The following GPR158 variants were observed in gnomAD, a reference collection of about 807,000 sequenced individuals.
GPR158 encodes the protein G protein-coupled receptor 158.
GPR158 carries 30 observed loss-of-function variants against 78.2 expected under a neutral mutation model. That is an observed-to-expected ratio of 0.38 (90% CI 0.29 to 0.52). The LOEUF (loss-of-function observed/expected upper bound fraction) is 0.52, where lower values mean the gene tolerates loss of function less well. Among genes scored for constraint, GPR158 ranks in the 20% least tolerant of loss-of-function variants. The probability of loss-of-function intolerance (pLI) is 0.83; values close to 1 mark genes in which losing one functional copy is unlikely to be tolerated. For missense variants in GPR158, 1,463 were observed against 1,523.5 expected, an observed-to-expected ratio of 0.96 and a Z score of 0.66; for synonymous variants, 581 against 591.1, an observed-to-expected ratio of 0.98 and a Z score of 0.25.
chr10:25,450,277 G>A (rs893478415), intron 4 of GPR158, among the ~76,000 whole-genome samples: 1 of 151,874 alleles, frequency 6.6e-6, no homozygotes, highest in Non-Finnish European at 1.5e-5. Context: ...AGTGAGCCAT[G>A]GGGGACCCAA....
At chr10:25,534,693 G>A (rs887662534) in intron 5 of GPR158, among the ~76,000 whole-genome samples, 4 of 152,016 alleles carry the variant, frequency 2.6e-5, no homozygotes, top group Non-Finnish European at 5.9e-5. Flanking sequence ...GGTGGAGGTT[G>A]CAGCGAGCCA....
chr10:25,391,701 G>A (rs1353644405), intron 2 of GPR158, among the ~76,000 whole-genome samples: 1 of 152,146 alleles, frequency 6.6e-6, no homozygotes, highest in Non-Finnish European at 1.5e-5. Flanking sequence ...ATTAGACATT[G>A]GACTGTGGAC....
intron 3 of GPR158, among the ~76,000 whole-genome samples, chr10:25,407,358 G>T (rs1834528357): frequency 6.6e-6 from 1 of 152,122 alleles, no homozygotes; most frequent in East Asian, 1.9e-4. Context: ...ATTAATATTG[G>T]GGGGCCCTAG....
intron 1 of GPR158, among the ~76,000 whole-genome samples, chr10:25,193,203 T>C (rs1473919050): frequency 6.6e-6 from 1 of 152,002 alleles, no homozygotes; most frequent in East Asian, 1.9e-4. Context: ...GGGAAATGCA[T>C]AATAAACAGG....
At chr10:25,417,221 C>A (rs1834676011) in intron 4 of GPR158, among the ~76,000 whole-genome samples, 1 of 152,138 alleles carries the variant, frequency 6.6e-6, no homozygotes, top group Non-Finnish European at 1.5e-5. Context: ...GGCTCTATTT[C>A]TGTTAATTTC....
intron 4 of GPR158, among the ~76,000 whole-genome samples, chr10:25,423,891 T>A (rs1023384099): frequency 3.3e-5 from 5 of 152,216 alleles, no homozygotes; most frequent in African/African-American, 7.2e-5. Context: ...ATCCTTTGGG[T>A]ATATACCCAG....
chr10:25,521,413 T>C (rs1228219355), intron 5 of GPR158, among the ~76,000 whole-genome samples: 1 of 152,224 alleles, frequency 6.6e-6, no homozygotes, highest in East Asian at 1.9e-4. Flanking sequence ...TCTATTTCAC[T>C]GAAGATTTTT....
chr10:25,414,259 G>A (rs573715069), intron 4 of GPR158, among the ~76,000 whole-genome samples: 1 of 152,230 alleles, frequency 6.6e-6, no homozygotes, highest in South Asian at 2.1e-4. Context: ...AGCATTGCCG[G>A]TTATTAAACC....
At chr10:25,285,424 T>C (rs1854337352) in intron 2 of GPR158, among the ~76,000 whole-genome samples, 1 of 152,054 alleles carries the variant, frequency 6.6e-6, no homozygotes, top group Non-Finnish European at 1.5e-5. Context: ...GACCCTGGGA[T>C]GTTGGTAGCA....
rs67847605 is a variant in GPR158 at position 25,314,862 on chromosome 10, C to CATATATAT, written c.1009-81032_1009-81025dup. Among the ~76,000 whole-genome samples the CATATATAT allele has an allele frequency of 3.2e-3, 360 of 111,360 alleles. 4 individuals are homozygous for CATATATAT. The highest frequency in any genetic ancestry group is 8.7e-3 in the African/African-American group (171 of 19,716). The allele number at this position is 111,360 out of a possible 152,430, so 73.1% of individuals were successfully genotyped here. ...ACACGTATATACATACACACACTGT[C>CATATATAT]ATATATATATATATATATATATATG... is the stretch of plus-strand genomic sequence containing the variant. On this transcript the variant is annotated intron_variant, in intron 2 of 10. Transcript: ENST00000376351.
chr10:25,473,972 T>G (rs1164430146), intron 5 of GPR158, among the ~76,000 whole-genome samples: 2 of 152,122 alleles, frequency 1.3e-5, no homozygotes, highest in Non-Finnish European at 2.9e-5. Context: ...ATGATTATGT[T>G]AAAAACTTTG....
intron 2 of GPR158, among the ~76,000 whole-genome samples, chr10:25,381,548 G>A (rs1484236165): frequency 6.6e-6 from 1 of 152,150 alleles, no homozygotes; most frequent in Non-Finnish European, 1.5e-5. Context: ...GGAAGTCACT[G>A]GGAACATGTA....
chr10:25,442,286 A>T (rs1236195402), intron 4 of GPR158, among the ~76,000 whole-genome samples: 4 of 152,236 alleles, frequency 2.6e-5, no homozygotes, highest in Non-Finnish European at 5.9e-5. Context: ...AGTTAAACAC[A>T]GCAACAAATA....
intron 2 of GPR158, among the ~76,000 whole-genome samples, chr10:25,297,999 A>G (rs753257429): frequency 2.0e-5 from 3 of 152,242 alleles, no homozygotes; most frequent in East Asian, 1.9e-4. Flanking sequence ...TCTGAACCTC[A>G]GGTCCCATCT....
At chr10:25,304,451 C>G (rs1854639577) in intron 2 of GPR158, among the ~76,000 whole-genome samples, 1 of 152,036 alleles carries the variant, frequency 6.6e-6, no homozygotes, top group Admixed American at 6.6e-5. Flanking sequence ...GTTCAACTCC[C>G]CACTCTCCCA....
At chr10:25,517,584 G>A (rs1032404709) in intron 5 of GPR158, among the ~76,000 whole-genome samples, 1 of 151,996 alleles carries the variant, frequency 6.6e-6, no homozygotes, top group Non-Finnish European at 1.5e-5. Flanking sequence ...AGCATGAAGG[G>A]TTGTTGAATT....
At chr10:25,572,533 A>G (rs1209312959) in intron 6 of GPR158, 116 bp from the exon 7 acceptor site, 4 of 761,534 alleles carry the variant, frequency 5.3e-6, no homozygotes, top group Non-Finnish European at 6.9e-6. Flanking sequence ...AACAAAGCAA[A>G]CTCTGATTAG....
chr10:25,325,120 A>G (rs1855011902), intron 2 of GPR158, among the ~76,000 whole-genome samples: 1 of 152,172 alleles, frequency 6.6e-6, no homozygotes, highest in Admixed American at 6.5e-5. Context: ...TTAGGATTAC[A>G]GGCATGAACC....
At chr10:25,550,546 T>G (rs140083055) in intron 5 of GPR158, among the ~76,000 whole-genome samples, 2 of 152,110 alleles carry the variant, frequency 1.3e-5, no homozygotes, top group Admixed American at 6.6e-5. Context: ...TAAGGAGAGG[T>G]AAGTTTGGAC....
Sources: gnomAD v4.1 joint callset for allele counts (sites outside exome capture counted in the v4.1 genomes callset) on GRCh38, gnomAD v4.1.1 for gene constraint, MANE v1.5 for transcripts, NCBI Gene and HGNC (gene_info 2026-07-23, HGNC 2026-07-21) for gene names.